The following KCNN2 variants were observed in gnomAD, a reference collection of about 807,000 sequenced individuals.
KCNN2 encodes small conductance calcium-activated potassium channel protein 2.
KCNN2 carries 24 observed loss-of-function variants against 55.5 expected under a neutral mutation model. The ratio of observed to expected loss-of-function variants is 0.43; its 90% CI spans 0.31 to 0.61. The LOEUF (loss-of-function observed/expected upper bound fraction) is 0.61. KCNN2 is among the 20% of genes least tolerant of loss of function. The pLI is 0.08. For missense variants in KCNN2, 754 were observed against 853.6 expected (o/e 0.88, Z 1.45); for synonymous variants, 431 against 336.1 (o/e 1.28, Z -3.09).
At chr5:114,410,833 C>A (rs894296924) in intron 3 of KCNN2, among the ~76,000 whole-genome samples, 1 of 152,072 alleles carries the variant, frequency 6.6e-6, no homozygotes, top group Non-Finnish European at 1.5e-5. Context: ...ATTGTCCTTT[C>A]TTTTCCCATT....
In KCNN2 at chr5:114,292,111, A is replaced by G. The variant is rs562222341; in HGVS notation, c.-184-68834A>G. On this transcript the variant is annotated intron_variant, in intron 2 of 10. Coordinates refer to the KCNN2 transcript ENST00000512097. ...TATTAGCCCTTTGTCAGATGAGTAG[A>G]TTGCAAAAATTTTCTCCCATTCTGT... Among the ~76,000 whole-genome samples the G allele has an allele frequency of 3.5e-4, 54 of 152,246 alleles. 1 individual carries two copies. The South Asian group carries it at 6.4e-3, about 18-fold the overall frequency.
intron 2 of KCNN2, among the ~76,000 whole-genome samples, chr5:114,258,536 T>C (rs989560051): frequency 6.6e-6 from 1 of 152,180 alleles, no homozygotes; most frequent in Non-Finnish European, 1.5e-5. Flanking sequence ...GTTGGTTTGC[T>C]CGAGATTTCT....
At chr5:114,088,581 C>G (rs115084531) in intron 1 of KCNN2, among the ~76,000 whole-genome samples, 1 of 152,056 alleles carries the variant, frequency 6.6e-6, no homozygotes, top group African/African-American at 2.4e-5. Flanking sequence ...ATCTGTTAAG[C>G]TCATCGAGTG....
chr5:114,084,206 T>C (rs532765875), intron 1 of KCNN2, among the ~76,000 whole-genome samples: 2 of 152,236 alleles, frequency 1.3e-5, no homozygotes, highest in South Asian at 2.1e-4. Flanking sequence ...AGAAGCATGA[T>C]TACTGTATGG....
intron 2 of KCNN2, among the ~76,000 whole-genome samples, chr5:114,265,229 A>C (rs1450351905): frequency 2.3e-5 from 1 of 42,966 alleles, no homozygotes; most frequent in African/African-American, 6.6e-5. Flanking sequence ...CACTAACTCT[A>C]AAAATTGTCA....
chr5:114,099,998 A>G (rs185648098), intron 1 of KCNN2, among the ~76,000 whole-genome samples: 52 of 152,144 alleles, frequency 3.4e-4, no homozygotes, highest in Non-Finnish European at 1.5e-4. Context: ...ATTACAATCT[A>G]TCATGTTATA....
intron 3 of KCNN2, among the ~76,000 whole-genome samples, chr5:114,452,760 A>G (rs965405131): frequency 6.6e-6 from 1 of 152,204 alleles, no homozygotes; most frequent in Non-Finnish European, 1.5e-5. Context: ...ATATGCCGCT[A>G]CAGTGAATAG....
intron 1 of KCNN2, among the ~76,000 whole-genome samples, chr5:114,202,053 C>T (rs1003380492): frequency 2.6e-5 from 4 of 152,120 alleles, no homozygotes; most frequent in Non-Finnish European, 5.9e-5. Flanking sequence ...CAGGGACCAT[C>T]CGAGGGATGT....
intron 2 of KCNN2, among the ~76,000 whole-genome samples, chr5:114,272,930 A>G (rs1442699181): frequency 1.3e-5 from 2 of 151,990 alleles, no homozygotes; most frequent in African/African-American, 4.8e-5. Context: ...CAGAATGTGC[A>G]GTTTCGTTAC....
intron 5 of KCNN2, among the ~76,000 whole-genome samples, chr5:114,475,824 A>G (rs1293576625): frequency 6.6e-6 from 1 of 152,092 alleles, no homozygotes; most frequent in East Asian, 1.9e-4. Flanking sequence ...TTATGAATGA[A>G]AAGCATCTTC....
intron 2 of KCNN2, among the ~76,000 whole-genome samples, chr5:114,398,991 G>A (rs1758702783): frequency 6.6e-6 from 1 of 152,170 alleles, no homozygotes; most frequent in Non-Finnish European, 1.5e-5. Context: ...CCTGCAAACA[G>A]GGATAGTTTG....
Position 114,349,353 on chromosome 5 carries a change from C to T in KCNN2, c.-184-11592C>T, listed in dbSNP as rs140282884. On this transcript the variant is annotated intron_variant, in intron 2 of 10. Coordinates refer to the KCNN2 transcript ENST00000512097. ...TGAAAATTTTTGAGCACCAACATGA[C>T]ACCATAAGGAAAATTCCACACCTGA... Among the ~76,000 whole-genome samples the T allele has an allele frequency of 1.2e-4, 18 of 152,134 alleles. No individual in the cohort carries two copies. In the East Asian group the frequency reaches 3.3e-3, roughly 28 times the overall value.
chr5:114,468,927 T>A (rs547554014), intron 4 of KCNN2, among the ~76,000 whole-genome samples: 63 of 152,310 alleles, frequency 4.1e-4, no homozygotes, highest in African/African-American at 1.4e-3. Context: ...GGCAAAAATG[T>A]GTCACATTTT....
chr5:114,187,342 C>T (rs1451857721), intron 1 of KCNN2, among the ~76,000 whole-genome samples: 1 of 151,892 alleles, frequency 6.6e-6, no homozygotes, highest in African/African-American at 2.4e-5. Context: ...TAGATGTTCT[C>T]CTTTTATTGG....
rs1040671657 is a variant in KCNN2 at position 114,089,973 on chromosome 5, A to G, written c.-271+33473A>G. ...TAGTAGATGTTTTACAATGTATTCT[A>G]TGTGATGTGGGTGGTCTGGATATTT... On this transcript the variant is annotated intron_variant, in intron 1 of 10. Coordinates refer to the KCNN2 transcript ENST00000512097. Among the ~76,000 whole-genome samples, 9 of 152,166 alleles carry G rather than the reference A, an allele frequency of 5.9e-5. 1 individual carries two copies. The highest frequency in any genetic ancestry group is 4.6e-4 in the Admixed American group (7 of 15,274).
intron 1 of KCNN2, among the ~76,000 whole-genome samples, chr5:114,169,284 T>C (rs1752981642): frequency 6.6e-6 from 1 of 152,044 alleles, no homozygotes; most frequent in Non-Finnish European, 1.5e-5. Flanking sequence ...AATGGGAGCT[T>C]CTCATTGTAA....
At chr5:114,198,415 T>G (rs1753603076) in intron 1 of KCNN2, among the ~76,000 whole-genome samples, 1 of 149,094 alleles carries the variant, frequency 6.7e-6, no homozygotes, top group Non-Finnish European at 1.5e-5. Context: ...TATCCATACA[T>G]ATACGTATAT....
At chr5:114,103,410 T>C (rs1751413422) in intron 1 of KCNN2, among the ~76,000 whole-genome samples, 1 of 152,096 alleles carries the variant, frequency 6.6e-6, no homozygotes, top group Non-Finnish European at 1.5e-5. Context: ...ATTTGAATAC[T>C]CTTTATTTCT....
chr5:114,130,353 A>G lies in KCNN2; in HGVS notation c.-271+73853A>G, dbSNP rs1488141941. 3.3e-5 allele frequency among the ~76,000 whole-genome samples: 5 copies of G among 152,316 alleles called. No individual in the cohort carries two copies. In the East Asian group the frequency reaches 7.7e-4, roughly 24 times the overall value. On this transcript the variant is annotated intron_variant, in intron 1 of 10. Coordinates refer to the KCNN2 transcript ENST00000512097. ...GTTACTTAAGCACTAGTAGAACTTA[A>G]GTGGGTCCAAAATGTGGCTCATGCC...
Sources: gnomAD v4.1 joint callset for allele counts (sites outside exome capture counted in the v4.1 genomes callset) on GRCh38, gnomAD v4.1.1 for gene constraint, MANE v1.5 for transcripts, NCBI Gene and HGNC (gene_info 2026-07-23, HGNC 2026-07-21) for gene names.